The following HNF1A variants were observed in gnomAD, a reference collection of about 807,000 sequenced individuals.
HNF1A encodes hepatocyte nuclear factor 1-alpha.
A neutral mutation model predicts 62.2 loss-of-function variants in HNF1A; 21 were observed. The ratio of observed to expected loss-of-function variants is 0.34; its 90% CI spans 0.24 to 0.49. HNF1A has a LOEUF of 0.49. HNF1A is among the 20% of genes least tolerant of loss of function. The pLI, the probability that HNF1A is intolerant of heterozygous loss-of-function variation, is 0.99. For missense variants in HNF1A, 687 were observed against 832.3 expected (o/e 0.83, Z 2.15); for synonymous variants, 374 against 366.8 (o/e 1.02, Z -0.22).
At position 120,989,045 on chromosome 12, in the gene HNF1A, C is replaced by T. The variant is rs1876679048; in HGVS notation, c.526+13C>T. 7.4e-6 allele frequency: 12 copies of T among 1,613,520 alleles called. No homozygotes were observed. In the South Asian group the frequency reaches 1.2e-4, roughly 16 times the overall value. On this transcript the variant is annotated intron_variant, in intron 2 of 9. Coordinates refer to ENST00000257555, the MANE Select transcript of HNF1A (RefSeq NM_000545.8). ...GAGGTGGCGCAGCGTAAGTAATGACCCTACCCCGCATCTTCCCTGGGAGGG... is the reference window on the plus strand; with the variant it reads ...GAGGTGGCGCAGCGTAAGTAATGACTCTACCCCGCATCTTCCCTGGGAGGG...
chr12:120,982,054 C>T (rs1210803915), intron 1 of HNF1A, among the ~76,000 whole-genome samples: 2 of 152,030 alleles, frequency 1.3e-5, no homozygotes, highest in Admixed American at 1.3e-4. Context: ...CAAACCCCAG[C>T]GTGTTTCTTT....
chr12:120,984,645 TC>T (rs58395715), intron 1 of HNF1A, among the ~76,000 whole-genome samples: 88,741 of 151,492 alleles, frequency 0.59, 26,076 homozygotes, highest in East Asian at 0.63. Flanking sequence ...CCTTCTGAGC[TC>T]TGACTGGCAC....
At chr12:120,993,337 G>T (rs1876921468) in intron 2 of HNF1A, among the ~76,000 whole-genome samples, 183 bp from the exon 3 acceptor site, 1 of 152,232 alleles carries the variant, frequency 6.6e-6, no homozygotes, top group Non-Finnish European at 1.5e-5. Flanking sequence ...CACAGGTTAA[G>T]AAAGTGATGG....
intron 1 of HNF1A, among the ~76,000 whole-genome samples, chr12:120,985,227 T>A (rs1876450362): frequency 6.6e-6 from 1 of 151,360 alleles, no homozygotes; most frequent in African/African-American, 2.4e-5. Context: ...ACTACAGGTG[T>A]GCACCACCAT....
chr12:120,983,528 G>C (rs956847617), intron 1 of HNF1A, among the ~76,000 whole-genome samples: 4 of 151,734 alleles, frequency 2.6e-5, no homozygotes, highest in Middle Eastern at 3.4e-3. Flanking sequence ...TGTCCTCTTA[G>C]TTCTTTCCTT....
Position 120,996,037 on chromosome 12 carries a change from T to TG in HNF1A, c.956-222dup, listed in dbSNP as rs1246379598. On this transcript the variant is annotated intron_variant, in intron 4 of 9. Coordinates refer to ENST00000257555, the MANE Select transcript of HNF1A (RefSeq NM_000545.8). The surrounding 1 kb of genome is among the most constrained non-coding windows in gnomAD (Gnocchi z 4.5). ...GCATGTCAGGTATAGCACTAGGCAG[T>TG]GGGAGGAATGGAGCTAATAAATGCA... is the stretch of plus-strand genomic sequence containing the variant. Among the ~76,000 whole-genome samples, 1 of 152,164 alleles carries TG rather than the reference T, an allele frequency of 6.6e-6. No individual in the cohort carries two copies. The highest frequency in any genetic ancestry group is 2.1e-4 in the South Asian group (1 of 4,822).
intron 7 of HNF1A, chr12:120,997,887 C>A (rs1877200334): frequency 1.4e-6 from 1 of 699,770 alleles, no homozygotes; most frequent in African/African-American, 1.8e-5. Flanking sequence ...TAGTGCGTGT[C>A]TGGGTGTGTA....
chr12:120,980,007 C>T (rs1876169414), intron 1 of HNF1A, among the ~76,000 whole-genome samples: 1 of 151,988 alleles, frequency 6.6e-6, no homozygotes, highest in Admixed American at 6.6e-5. Context: ...CTACAGGGGC[C>T]ACCCCTCCCC....
rs56339655 is a variant in HNF1A, at chr12:120,986,473, G to A, written c.327-2360G>A. ...AAATTCTAGAAGCGAATTGCTCAGCGAGGCAGGGGAAAGCACAGGCTTTGG... is the reference window on the plus strand; with the variant it reads ...AAATTCTAGAAGCGAATTGCTCAGCAAGGCAGGGGAAAGCACAGGCTTTGG... On this transcript the variant is annotated intron_variant, in intron 1 of 9. Transcript: ENST00000257555. Among the ~76,000 whole-genome samples the A allele has an allele frequency of 3.2e-3, 480 of 152,354 alleles. 1 individual carries two copies. Among genetic ancestry groups the A allele is most frequent in the Non-Finnish European group, 5.1e-3 (344 of 68,028 alleles).
chr12:120,999,669 C>T (rs755266838), intron 9 of HNF1A, 42 bp downstream of exon 9: 6 of 1,589,332 alleles, frequency 3.8e-6, no homozygotes, highest in Non-Finnish European at 5.1e-6. Context: ...CTGTCCCTGC[C>T]CCCTTCCATG....
At chr12:120,988,382 A>G (rs1876632387) in intron 1 of HNF1A, among the ~76,000 whole-genome samples, 1 of 147,228 alleles carries the variant, frequency 6.8e-6, no homozygotes, top group Admixed American at 6.7e-5. Context: ...CCATCCATCT[A>G]TCCACCAATT....
rs112986697 is a variant in HNF1A, at chr12:121,001,197, G to A, written c.*5G>A. On this transcript the variant is annotated 3_prime_UTR_variant, in exon 10 of 10. Coordinates refer to ENST00000257555, the MANE Select transcript of HNF1A (RefSeq NM_000545.8). ...ATGGCCTCTTCCTCCCAGTAACCAC[G>A]GCACCTGGGCCCTGGGGCCTGTACT... is the stretch of plus-strand genomic sequence containing the variant. 624 of 1,613,844 alleles carry A rather than the reference G, an allele frequency of 3.9e-4. 5 individuals carry two copies. The African/African-American group carries it at 7.4e-3, about 19-fold the overall frequency.
rs371704567 is a variant in HNF1A, at chr12:120,998,066, G to A, written c.1501+401G>A. ...AGGCCGAGGTGGGCAGATCACTTGAGGTCAGGAGTTCAAGACCAGCCTGGC... is the reference window on the plus strand; with the variant it reads ...AGGCCGAGGTGGGCAGATCACTTGAAGTCAGGAGTTCAAGACCAGCCTGGC... On this transcript the variant is annotated intron_variant, in intron 7 of 9. Transcript: ENST00000257555. 101 of 441,062 alleles carry A rather than the reference G, an allele frequency of 2.3e-4. 1 individual carries two copies. Among genetic ancestry groups the A allele is most frequent in the South Asian group, 1.7e-3 (77 of 44,712 alleles). The allele number at this position is 441,062 out of a possible 1,614,324, so 27.3% of individuals were successfully genotyped here. A position where few individuals can be genotyped will look rare whatever the true frequency, so the allele number is the denominator to read the frequency against.
intron 1 of HNF1A, among the ~76,000 whole-genome samples, 166 bp from the exon 2 acceptor site, chr12:120,988,667 T>C (rs938963692): frequency 6.6e-6 from 1 of 152,224 alleles, no homozygotes; most frequent in African/African-American, 2.4e-5. Flanking sequence ...TAAATGACCA[T>C]ACCTCACCGT....
At position 120,996,668 on chromosome 12, in the gene HNF1A, T is replaced by C. The variant is rs747433197; in HGVS notation, c.1235T>C (p.Met412Thr). The C allele has an allele frequency of 1.1e-5, 18 of 1,614,082 alleles. No individual in the cohort carries two copies. Among genetic ancestry groups the C allele is most frequent in the Non-Finnish European group, 1.5e-5 (18 of 1,180,002 alleles). ...ATCATGGCCTCACTTCCTGGGGTCA[T>C]GACCATCGGGCCTGGTGAGCCTGCC... ...NLIMASLPGV[M>T]TIGPGEPASL... Residue 412 changes from methionine (M) to threonine (T), a missense_variant, in exon 6 of 10, where the codon ATG becomes ACG. Met to Thr is a moderately conservative substitution (Grantham distance 81). This residue lies in a region of HNF1A where 408 missense variants were observed against 455.3 expected (regional missense o/e 0.90). Coordinates refer to ENST00000257555, the MANE Select transcript of HNF1A (RefSeq NM_000545.8). This position sits in a 1 kb window ranked among gnomAD's most constrained non-coding sequence, Gnocchi z 4.5.
intron 1 of HNF1A, 123 bp downstream of exon 1, chr12:120,979,217 AG>A: frequency 1.1e-6 from 1 of 904,410 alleles, no homozygotes; most frequent in South Asian, 1.4e-5. Context: ...GTTGCTGGGA[AG>A]GGGGACAGGG....
Position 120,996,379 on chromosome 12 carries a change from C to G in HNF1A, c.1073C>G (p.Pro358Arg). 1 of 1,614,146 alleles carries G rather than the reference C, an allele frequency of 6.2e-7. No homozygotes were observed. Among genetic ancestry groups the G allele is most frequent in the Non-Finnish European group, 8.5e-7 (1 of 1,180,008 alleles). ...CAAGTGTCCCCCACGGGCCTGGAGCCCAGCCACAGCCTGCTGAGTACAGAA... is the reference window on the plus strand; with the variant it reads ...CAAGTGTCCCCCACGGGCCTGGAGCGCAGCCACAGCCTGCTGAGTACAGAA... ...LHQVSPTGLE[P>R]SHSLLSTEAK... Residue 358 changes from proline (P) to arginine (R), a missense_variant, in exon 5 of 10, where the codon CCC (proline) becomes CGC (arginine). Around this residue, in one of 5 missense-constraint regions of HNF1A, gnomAD observed 408 missense variants for 455.3 expected, o/e 0.90. Coordinates refer to ENST00000257555, the MANE Select transcript of HNF1A (RefSeq NM_000545.8). This position sits in a 1 kb window ranked among gnomAD's most constrained non-coding sequence, Gnocchi z 4.5.
intron 1 of HNF1A, among the ~76,000 whole-genome samples, chr12:120,987,291 G>A (rs561945929): frequency 2.3e-4 from 35 of 152,046 alleles, no homozygotes; most frequent in Non-Finnish European, 4.3e-4. Flanking sequence ...TGGCTAACAC[G>A]GTGAAACCCC....
At chr12:120,991,354 G>T (rs1876825124) in intron 2 of HNF1A, among the ~76,000 whole-genome samples, 1 of 152,218 alleles carries the variant, frequency 6.6e-6, no homozygotes, top group Non-Finnish European at 1.5e-5. Context: ...AGCACTTTGG[G>T]AGGCCAAGGC....
Sources: allele counts gnomAD v4.1 joint callset (sites outside exome capture counted in the v4.1 genomes callset), GRCh38; gene constraint gnomAD v4.1.1; regional missense constraint gnomAD v4.1.1; non-coding constraint Gnocchi (gnomAD v3.1); transcripts MANE v1.5; gene names NCBI Gene and HGNC (gene_info 2026-07-23, HGNC 2026-07-21).